The following CACUL1 variants were observed in gnomAD, a reference collection of about 807,000 sequenced individuals.
CACUL1 encodes CDK2-associated and cullin domain-containing protein 1.
In CACUL1, 13 loss-of-function variants were observed where a neutral mutation model predicts 45.2. The ratio of observed to expected loss-of-function variants is 0.29; its 90% CI spans 0.19 to 0.46. The LOEUF (loss-of-function observed/expected upper bound fraction) is 0.46, where lower values mean the gene tolerates loss of function less well. Ranked by LOEUF, CACUL1 falls within the 20% of genes least tolerant of loss-of-function variation. The pLI is 1.00. For synonymous variants in CACUL1, 197 were observed against 174.2 expected (o/e 1.13, Z -1.03); for missense variants, 421 against 471.4 (o/e 0.89, Z 0.99).
At position 118,682,185 on chromosome 10, in the gene CACUL1, A is replaced by G. The variant is rs1177478517; in HGVS notation, c.*3943T>C. ...TTCCAAGCTAAAAGAGGCACCATAAAAAATCAACTCAAAACATCCAAACAA... is the reference window on the plus strand; with the variant it reads ...TTCCAAGCTAAAAGAGGCACCATAAGAAATCAACTCAAAACATCCAAACAA... On this transcript the variant is annotated 3_prime_UTR_variant, in exon 9 of 9. Transcript: ENST00000369151. 6.6e-6 allele frequency: 1 copy of G among 152,206 alleles called. No individual in the cohort carries two copies. Among genetic ancestry groups the G allele is most frequent in the Non-Finnish European group, 1.5e-5 (1 of 68,036 alleles). 9.4% of individuals were successfully genotyped at this position (152,206 alleles called of 1,614,324 possible). A position where few individuals can be genotyped will look rare whatever the true frequency, so the allele number is the denominator to read the frequency against.
intron 1 of CACUL1, among the ~76,000 whole-genome samples, chr10:118,740,141 T>C (rs547622496): frequency 1.3e-4 from 20 of 152,022 alleles, no homozygotes; most frequent in Admixed American, 1.2e-3. Context: ...AGCGGGACTC[T>C]GTCTCAGAAA....
Position 118,682,654 on chromosome 10 carries a change from T to C in CACUL1, c.*3474A>G, listed in dbSNP as rs1258501696. The C allele has an allele frequency of 6.5e-6, 1 of 152,678 alleles. No homozygotes were observed. Among genetic ancestry groups the C allele is most frequent in the Non-Finnish European group, 1.5e-5 (1 of 68,048 alleles). The allele number at this position is 152,678 out of a possible 1,614,324, so 9.5% of individuals were successfully genotyped here. Reference sequence around the variant, plus strand: ...AATCCCTTGTTTGGTCAGTACAGAATATTGCGAGGTGATGCTCATGCAAAC... The same window carrying C: ...AATCCCTTGTTTGGTCAGTACAGAACATTGCGAGGTGATGCTCATGCAAAC... On this transcript the variant is annotated 3_prime_UTR_variant, in exon 9 of 9. Coordinates refer to ENST00000369151, the MANE Select transcript of CACUL1 (RefSeq NM_153810.5).
chr10:118,749,534 T>G (rs1845875862), intron 1 of CACUL1, among the ~76,000 whole-genome samples: 1 of 152,226 alleles, frequency 6.6e-6, no homozygotes, highest in African/African-American at 2.4e-5. Context: ...AAACCCACAA[T>G]GAGCCTATTC....
chr10:118,738,628 G>A (rs1845762380), intron 1 of CACUL1, among the ~76,000 whole-genome samples: 2 of 151,786 alleles, frequency 1.3e-5, no homozygotes, highest in Non-Finnish European at 2.9e-5. Context: ...CTAACATGAA[G>A]CCCAATACTT....
At chr10:118,731,101 G>T (rs1439933322) in intron 1 of CACUL1, among the ~76,000 whole-genome samples, 1 of 152,108 alleles carries the variant, frequency 6.6e-6, no homozygotes, top group African/African-American at 2.4e-5. Context: ...TTTCCACAAA[G>T]CATTTGTACA....
At chr10:118,718,578 T>C (rs1164189208) in intron 3 of CACUL1, among the ~76,000 whole-genome samples, 1 of 152,198 alleles carries the variant, frequency 6.6e-6, no homozygotes, top group Non-Finnish European at 1.5e-5. Context: ...ATTTTATTTA[T>C]TATTCTTATT....
intron 1 of CACUL1, among the ~76,000 whole-genome samples, chr10:118,747,841 C>A (rs1187315564): frequency 3.9e-5 from 6 of 152,086 alleles, no homozygotes; most frequent in Non-Finnish European, 8.8e-5. Context: ...TCCCAGCACT[C>A]TGGGAGTCCA....
At position 118,722,968 on chromosome 10, in the gene CACUL1, G is replaced by A. The variant is rs546385422; in HGVS notation, c.597+6327C>T. ...AATTTCTGCATACTGCCCTTAATTT[G>A]CATATAATTAAAAGTAGGTATGAGT... On this transcript the variant is annotated intron_variant, in intron 3 of 8. Coordinates refer to ENST00000369151, the MANE Select transcript of CACUL1 (RefSeq NM_153810.5). Among the ~76,000 whole-genome samples, 8 of 152,264 alleles carry A rather than the reference G, an allele frequency of 5.3e-5. No homozygotes were observed. In the South Asian group the frequency reaches 1.2e-3, roughly 24 times the overall value.
At chr10:118,737,134 GAAAAA>G (rs200119188) in intron 1 of CACUL1, among the ~76,000 whole-genome samples, 7 of 129,936 alleles carry the variant, frequency 5.4e-5, no homozygotes, top group African/African-American at 2.0e-4. Flanking sequence ...TATTAGGAGG[GAAAAA>G]AAAAAAAAAA....
intron 3 of CACUL1, among the ~76,000 whole-genome samples, chr10:118,727,285 G>A (rs913135972): frequency 6.6e-6 from 1 of 151,688 alleles, no homozygotes. Flanking sequence ...GCCAGCAACT[G>A]GGGAGGCTGG....
chr10:118,727,308 G>A (rs907003854), intron 3 of CACUL1, among the ~76,000 whole-genome samples: 2 of 151,236 alleles, frequency 1.3e-5, no homozygotes, highest in African/African-American at 2.4e-5. Flanking sequence ...TGGGAGGATC[G>A]CCTGAGCCCA....
At chr10:118,704,965 G>A (rs1301951454) in intron 4 of CACUL1, among the ~76,000 whole-genome samples, 1 of 152,266 alleles carries the variant, frequency 6.6e-6, no homozygotes, top group Non-Finnish European at 1.5e-5. Flanking sequence ...CAAGGCCCGG[G>A]TGGGGCACTG....
chr10:118,680,638 G>C lies in CACUL1; in HGVS notation c.*5490C>G, dbSNP rs568150816. The C allele has an allele frequency of 1.3e-5, 2 of 152,284 alleles. No homozygotes were observed. The highest frequency in any genetic ancestry group is 4.8e-5 in the African/African-American group (2 of 41,552). The allele number at this position is 152,284 out of a possible 1,614,324, so 9.4% of individuals were successfully genotyped here. ...AGAAAAAAACAACCTAAGTCCAAAA[G>C]TTGATTAAAGGTCCACAGAAGAAAC... On this transcript the variant is annotated 3_prime_UTR_variant, in exon 9 of 9. Transcript: ENST00000369151.
At chr10:118,696,275 T>G (rs1297068598) in intron 5 of CACUL1, among the ~76,000 whole-genome samples, 2 of 152,118 alleles carry the variant, frequency 1.3e-5, no homozygotes, top group East Asian at 1.9e-4. Context: ...GAAGAAGAAC[T>G]GTCTTGGGCC....
chr10:118,730,581 A>C (rs896788960), intron 1 of CACUL1, among the ~76,000 whole-genome samples, 171 bp from the exon 2 acceptor site: 3 of 152,240 alleles, frequency 2.0e-5, no homozygotes, highest in African/African-American at 7.2e-5. Flanking sequence ...AACCTGGTCA[A>C]GGATGTTAAG....
intron 3 of CACUL1, among the ~76,000 whole-genome samples, chr10:118,724,824 A>C (rs1165698083): frequency 6.6e-6 from 1 of 152,224 alleles, no homozygotes; most frequent in Non-Finnish European, 1.5e-5. Flanking sequence ...AAAAGCTAAG[A>C]GGAATATGAA....
At chr10:118,691,450 C>T in intron 6 of CACUL1, 47 bp from the exon 7 acceptor site, 1 of 1,528,786 alleles carries the variant, frequency 6.5e-7, no homozygotes, top group Non-Finnish European at 8.9e-7. Context: ...ATAAACACAC[C>T]AAATTAAATG....
intron 8 of CACUL1, 76 bp from the exon 9 acceptor site, chr10:118,686,244 C>T: frequency 6.5e-6 from 8 of 1,239,984 alleles, no homozygotes; most frequent in Non-Finnish European, 9.5e-6. Context: ...GTTTATTCAA[C>T]ACACATTTCT....
At chr10:118,688,161 T>C (rs1280495653) in intron 7 of CACUL1, among the ~76,000 whole-genome samples, 2 of 152,232 alleles carry the variant, frequency 1.3e-5, no homozygotes, top group African/African-American at 4.8e-5. Context: ...ACACACTGTA[T>C]GACCTCTGAA....
Sources: gnomAD v4.1 joint callset for allele counts (sites outside exome capture counted in the v4.1 genomes callset) on GRCh38, gnomAD v4.1.1 for gene constraint, MANE v1.5 for transcripts, NCBI Gene and HGNC (gene_info 2026-07-23, HGNC 2026-07-21) for gene names.